NNT: variants seen among roughly 807,000 people sequenced by gnomAD.
The protein encoded by NNT is nicotinamide nucleotide transhydrogenase, also known as NAD(P) transhydrogenase, mitochondrial.
A neutral mutation model predicts 104.8 loss-of-function variants in NNT; 50 were observed. The ratio of observed to expected loss-of-function variants is 0.48; its 90% CI spans 0.38 to 0.60. The LOEUF (loss-of-function observed/expected upper bound fraction) is 0.60, where lower values mean the gene tolerates loss of function less well. Among genes scored for constraint, NNT ranks in the 20% least tolerant of loss-of-function variants. The probability of loss-of-function intolerance (pLI) is 0.00; values close to 1 mark genes in which losing one functional copy is unlikely to be tolerated. For synonymous variants in NNT, 461 were observed against 490.4 expected (o/e 0.94, Z 0.79); for missense variants, 1,131 against 1,330.7 (o/e 0.85, Z 2.33).
chr5:43,661,996 A>C (rs1740395146), intron 17 of NNT, among the ~76,000 whole-genome samples: 1 of 152,192 alleles, frequency 6.6e-6, no homozygotes, highest in Non-Finnish European at 1.5e-5. Context: ...AGTGGCTTTT[A>C]AAGTTAAATG....
chr5:43,691,307 T>C (rs763980759), intron 19 of NNT, among the ~76,000 whole-genome samples: 2 of 152,316 alleles, frequency 1.3e-5, no homozygotes, highest in Non-Finnish European at 2.9e-5. Flanking sequence ...TTTCACCATG[T>C]TGGCCAGGCT....
chr5:43,637,630 G>T (rs776719524), intron 7 of NNT, among the ~76,000 whole-genome samples: 3 of 152,284 alleles, frequency 2.0e-5, no homozygotes, highest in Non-Finnish European at 4.4e-5. Context: ...CATCCTCAGT[G>T]CTGTGCAGAA....
In NNT at chr5:43,677,916, C is replaced by T. The variant is rs1023323833; in HGVS notation, c.2876+110C>T. ...GTAGGGGTTAGGGCACTGACCCGCC[C>T]ATACAATTAAAAATCCATATATAAC... On this transcript the variant is annotated intron_variant, in intron 19 of 21. Coordinates refer to ENST00000344920, the MANE Select transcript of NNT (RefSeq NM_182977.3). 4.4e-5 allele frequency: 35 copies of T among 793,542 alleles called. No individual in the cohort carries two copies. In the East Asian group the frequency reaches 8.3e-4, roughly 19 times the overall value. The allele number at this position is 793,542 out of a possible 1,614,324, so 49.2% of individuals were successfully genotyped here. A position where few individuals can be genotyped will look rare whatever the true frequency, so the allele number is the denominator to read the frequency against.
chr5:43,609,226 G>A lies in NNT; in HGVS notation c.31G>A (p.Gly11Ser). The part of the protein sequence containing the change: MANLLKTVVT[G>S]CSCPLLSNLG... The stretch of plus-strand genomic sequence containing the variant: ...AAACCTATTGAAAACAGTGGTGACT[G>A]GCTGCTCGTGTCCTCTACTTAGCAA... Residue 11 changes from glycine (G) to serine (S), a missense_variant, in exon 2 of 22, where the codon GGC becomes AGC. Transcript: ENST00000344920. 6.2e-7 allele frequency: 1 copy of A among 1,613,974 alleles called. No individual in the cohort carries two copies. Among genetic ancestry groups the A allele is most frequent in the Non-Finnish European group, 8.5e-7 (1 of 1,179,920 alleles).
intron 8 of NNT, 59 bp downstream of exon 8, chr5:43,644,384 G>A: frequency 6.4e-7 from 1 of 1,561,910 alleles, no homozygotes; most frequent in Non-Finnish European, 8.7e-7. Flanking sequence ...TTATGGGGGG[G>A]TGTTTATTTC....
intron 19 of NNT, among the ~76,000 whole-genome samples, chr5:43,678,474 A>G (rs1390938733): frequency 6.6e-6 from 1 of 152,140 alleles, no homozygotes; most frequent in Non-Finnish European, 1.5e-5. Context: ...AGAAAAGGAA[A>G]ATGTGTTATT....
chr5:43,647,607 T>C (rs16873432), intron 10 of NNT, among the ~76,000 whole-genome samples: 22,032 of 152,206 alleles, frequency 0.14, 2,397 homozygotes, highest in African/African-American at 0.3. Flanking sequence ...TCTCTTCTTT[T>C]GTCAGCCTTT....
chr5:43,612,094 C>T (rs1749527306), intron 2 of NNT, among the ~76,000 whole-genome samples: 1 of 152,186 alleles, frequency 6.6e-6, no homozygotes. Flanking sequence ...TAAATATCTA[C>T]TACTGATGTT....
rs1442713235 is a variant in NNT, at chr5:43,694,733, A to G, written c.2877-5386A>G. Reference sequence around the variant, plus strand: ...CAATGTTCATCAAGGATATTGGCCTAAAGTTTGTGTGTGTGTGTGTGTGTG... The same window carrying G: ...CAATGTTCATCAAGGATATTGGCCTGAAGTTTGTGTGTGTGTGTGTGTGTG... On this transcript the variant is annotated intron_variant, in intron 19 of 21. Coordinates refer to ENST00000344920, the MANE Select transcript of NNT (RefSeq NM_182977.3). Among the ~76,000 whole-genome samples the G allele has an allele frequency of 2.3e-5, 3 of 131,130 alleles. No individual in the cohort carries two copies. The South Asian group carries it at 7.0e-4, about 31-fold the overall frequency. 86.0% of individuals were successfully genotyped at this position (131,130 alleles called of 152,430 possible).
chr5:43,686,183 A>T (rs911480764), intron 19 of NNT, among the ~76,000 whole-genome samples: 6 of 151,510 alleles, frequency 4.0e-5, no homozygotes, highest in Middle Eastern at 6.9e-3. Flanking sequence ...CTAATGTTCC[A>T]TGAAAGGCTC....
Position 43,619,018 on chromosome 5 carries a change from A to G in NNT, c.600-14A>G. 2.9e-6 allele frequency: 4 copies of G among 1,366,680 alleles called. No homozygotes were observed. The highest frequency in any genetic ancestry group is 3.9e-6 in the Non-Finnish European group (4 of 1,023,536). 84.7% of individuals were successfully genotyped at this position (1,366,680 alleles called of 1,614,324 possible). A position where few individuals can be genotyped will look rare whatever the true frequency, so the allele number is the denominator to read the frequency against. Reference sequence around the variant, plus strand: ...TATGGAATTATTTATTTATTTATTTATTTATTTTTAAAGTTATAAGGCTGT... The same window carrying G: ...TATGGAATTATTTATTTATTTATTTGTTTATTTTTAAAGTTATAAGGCTGT... On this transcript the variant is annotated splice_polypyrimidine_tract_variant and intron_variant, in intron 4 of 21. Transcript: ENST00000344920.
At chr5:43,663,167 CTATT>C (rs1163338634) in intron 17 of NNT, among the ~76,000 whole-genome samples, 1 of 152,070 alleles carries the variant, frequency 6.6e-6, no homozygotes, top group Non-Finnish European at 1.5e-5. Flanking sequence ...TTACCATAGT[CTATT>C]TATTCAAATT....
chr5:43,646,199 A>G (rs1043814413), intron 10 of NNT, among the ~76,000 whole-genome samples: 1 of 152,228 alleles, frequency 6.6e-6, no homozygotes, highest in African/African-American at 2.4e-5. Context: ...CTGGAATGAA[A>G]GCATGTGAAA....
At chr5:43,614,993 C>T (rs1307280550) in intron 3 of NNT, among the ~76,000 whole-genome samples, 2 of 151,204 alleles carry the variant, frequency 1.3e-5, no homozygotes, top group African/African-American at 4.9e-5. Context: ...AAAAATTAGC[C>T]GGGCGCGGTG....
Position 43,644,328 on chromosome 5 carries a change from A to G in NNT, c.1098+3A>G. 6.2e-7 allele frequency: 1 copy of G among 1,611,558 alleles called. No individual in the cohort carries two copies. The highest frequency in any genetic ancestry group is 8.5e-7 in the Non-Finnish European group (1 of 1,179,546). On this transcript the variant is annotated splice_donor_region_variant and intron_variant, in intron 8 of 21. Transcript: ENST00000344920. The stretch of plus-strand genomic sequence containing the variant: ...CAGGAGAACTCTACATTCATAAGGT[A>G]TAGCAAGATGCGTTTTCTATCTGTG...
intron 19 of NNT, among the ~76,000 whole-genome samples, chr5:43,692,345 A>G (rs577959052): frequency 6.6e-6 from 1 of 151,722 alleles, no homozygotes; most frequent in East Asian, 1.9e-4. Context: ...TTCTTTTGAG[A>G]TGGAGTTTTG....
chr5:43,624,418 G>C (rs1201843784), intron 6 of NNT, among the ~76,000 whole-genome samples: 1 of 152,210 alleles, frequency 6.6e-6, no homozygotes, highest in Non-Finnish European at 1.5e-5. Context: ...TTAGGCACTA[G>C]TTAGGGCATA....
At chr5:43,690,324 TTTGTGG>T (rs549200245) in intron 19 of NNT, among the ~76,000 whole-genome samples, 5 of 152,132 alleles carry the variant, frequency 3.3e-5, no homozygotes, top group Admixed American at 6.5e-5. Context: ...AGGCACTGAA[TTTGTGG>T]TAGTTTGTTA....
At chr5:43,681,730 T>C (rs924534427) in intron 19 of NNT, among the ~76,000 whole-genome samples, 4 of 152,210 alleles carry the variant, frequency 2.6e-5, no homozygotes, top group African/African-American at 9.7e-5. Context: ...GCTGATGTTA[T>C]GTATTGCTTT....
Sources: allele counts gnomAD v4.1 joint callset (sites outside exome capture counted in the v4.1 genomes callset), GRCh38; gene constraint gnomAD v4.1.1; transcripts MANE v1.5; gene names NCBI Gene and HGNC (gene_info 2026-07-23, HGNC 2026-07-21).